CLNK: variants seen among roughly 807,000 people sequenced by gnomAD.
CLNK encodes the protein cytokine dependent hematopoietic cell linker.
Under a neutral mutation model 68.6 loss-of-function variants are expected in CLNK, and 74 were observed. That is an observed-to-expected ratio of 1.08 (90% CI 0.89 to 1.31). The LOEUF is 1.31. Among genes scored for constraint, CLNK ranks in the 50% most tolerant of loss-of-function variants. The pLI is 0.00. For missense variants in CLNK, 553 were observed against 515.3 expected (o/e 1.07, Z -0.71); for synonymous variants, 198 against 172.2 (o/e 1.15, Z -1.17).
At chr4:10,654,968 G>A (rs1009392009) in intron 2 of CLNK, among the ~76,000 whole-genome samples, 1 of 151,872 alleles carries the variant, frequency 6.6e-6, no homozygotes, top group Admixed American at 6.6e-5. Context: ...TGGGCGCGGT[G>A]GCAGCGCCTG....
At chr4:10,530,989 A>G (rs1718512787) in intron 12 of CLNK, among the ~76,000 whole-genome samples, 2 of 152,162 alleles carry the variant, frequency 1.3e-5, no homozygotes, top group Non-Finnish European at 2.9e-5. Flanking sequence ...GATTAGGGAG[A>G]TTAGGGGTAA....
At chr4:10,585,707 C>T (rs755883318) in intron 3 of CLNK, among the ~76,000 whole-genome samples, 4 of 152,174 alleles carry the variant, frequency 2.6e-5, no homozygotes, top group Non-Finnish European at 5.9e-5. Flanking sequence ...GTCCCAACTC[C>T]TCAGGTGGCT....
At chr4:10,631,837 G>T (rs1473986946) in intron 2 of CLNK, among the ~76,000 whole-genome samples, 2 of 152,192 alleles carry the variant, frequency 1.3e-5, no homozygotes, top group African/African-American at 4.8e-5. Context: ...ACAGGCAAAA[G>T]GATTTTCTCA....
chr4:10,543,036 G>A (rs1202218554), intron 8 of CLNK, among the ~76,000 whole-genome samples: 4 of 152,172 alleles, frequency 2.6e-5, no homozygotes, highest in African/African-American at 9.7e-5. Context: ...GATCCTTCCT[G>A]TCAAGGTGCT....
chr4:10,498,814 G>T (rs1482373136), intron 18 of CLNK, among the ~76,000 whole-genome samples: 2 of 152,166 alleles, frequency 1.3e-5, no homozygotes, highest in African/African-American at 2.4e-5. Flanking sequence ...TCTTAATGTG[G>T]TTGTACCTGG....
At chr4:10,532,106 A>G in intron 12 of CLNK, 150 bp downstream of exon 12, 2 of 710,924 alleles carry the variant, frequency 2.8e-6, no homozygotes, top group South Asian at 3.1e-5. Flanking sequence ...TGGCTTTCTT[A>G]TCTTTAAAAT....
chr4:10,532,141 T>C (rs1354439486), intron 12 of CLNK, 115 bp downstream of exon 12: 2 of 787,138 alleles, frequency 2.5e-6, no homozygotes, highest in Non-Finnish European at 4.4e-6. Flanking sequence ...ATTTTGAGCA[T>C]AGCTATTGTG....
At chr4:10,549,509 T>C (rs1327326846) in intron 8 of CLNK, among the ~76,000 whole-genome samples, 1 of 152,174 alleles carries the variant, frequency 6.6e-6, no homozygotes, top group Non-Finnish European at 1.5e-5. Flanking sequence ...ACGTGCTTAA[T>C]GAATGTTTAT....
At chr4:10,675,974 T>C (rs753548732) in intron 1 of CLNK, among the ~76,000 whole-genome samples, 1 of 152,022 alleles carries the variant, frequency 6.6e-6, no homozygotes, top group Non-Finnish European at 1.5e-5. Context: ...ATCACACATA[T>C]CCAAAATGGT....
chr4:10,598,601 A>G, intron 2 of CLNK: 1 of 388,088 alleles, frequency 2.6e-6, no homozygotes, highest in Non-Finnish European at 5.2e-6. Context: ...TTGAGCTCCC[A>G]TATCATTTAG....
chr4:10,717,214 G>C, the CLNK span, among the ~76,000 whole-genome samples: 1 of 152,124 alleles, frequency 6.6e-6, no homozygotes, highest in East Asian at 1.9e-4. Context: ...TGTCTGTAAA[G>C]ACCATGTAGG....
the CLNK span, among the ~76,000 whole-genome samples, chr4:10,728,891 A>G: frequency 6.6e-6 from 1 of 151,254 alleles, no homozygotes; most frequent in South Asian, 2.1e-4. Flanking sequence ...GAGCTACCAC[A>G]CCCGGCCCCT....
intron 8 of CLNK, among the ~76,000 whole-genome samples, chr4:10,556,554 T>C (rs1218975576): frequency 1.3e-5 from 2 of 152,194 alleles, no homozygotes; most frequent in Non-Finnish European, 2.9e-5. Context: ...TAGTGAACTA[T>C]AAATCAGATG....
At chr4:10,640,894 G>A (rs1723281236) in intron 2 of CLNK, among the ~76,000 whole-genome samples, 1 of 152,226 alleles carries the variant, frequency 6.6e-6, no homozygotes, top group African/African-American at 2.4e-5. Context: ...GGGAGCCTGT[G>A]TTTCAAGCTT....
intron 2 of CLNK, among the ~76,000 whole-genome samples, chr4:10,654,384 A>AATATATATATATATAT (rs71281268): frequency 0.014 from 1,159 of 84,070 alleles, 104 homozygotes; most frequent in East Asian, 0.063. Context: ...ATATTGATTA[A>AATATATATATATATAT]ATATATATAT....
chr4:10,642,890 T>C (rs528262148), intron 2 of CLNK, among the ~76,000 whole-genome samples: 1 of 152,352 alleles, frequency 6.6e-6, no homozygotes, highest in African/African-American at 2.4e-5. Context: ...TGTTAAATGC[T>C]TCAAAGCCAT....
At chr4:10,513,043 G>T (rs1717662366) in intron 16 of CLNK, among the ~76,000 whole-genome samples, 1 of 152,090 alleles carries the variant, frequency 6.6e-6, no homozygotes, top group South Asian at 2.1e-4. Context: ...CATAATAACT[G>T]CTCAACTAAT....
intron 2 of CLNK, among the ~76,000 whole-genome samples, chr4:10,663,283 G>A (rs1724265164): frequency 6.6e-6 from 1 of 152,198 alleles, no homozygotes; most frequent in African/African-American, 2.4e-5. Context: ...AAGTTTTGTT[G>A]CAGGGAAAGT....
At chr4:10,584,879 C>G (rs767801623) in intron 4 of CLNK, 48 bp downstream of exon 4, 4 of 1,590,194 alleles carry the variant, frequency 2.5e-6, no homozygotes, top group Non-Finnish European at 3.4e-6. Context: ...GCCCAACAGA[C>G]CCATGCTGAC....
Sources: allele counts gnomAD v4.1 joint callset (sites outside exome capture counted in the v4.1 genomes callset), GRCh38; gene constraint gnomAD v4.1.1; transcripts MANE v1.5; gene names NCBI Gene and HGNC (gene_info 2026-07-23, HGNC 2026-07-21).